CSMD1: variants seen among roughly 807,000 people sequenced by gnomAD.
CSMD1 encodes the protein CUB and sushi domain-containing protein 1.
A neutral mutation model predicts 417.5 loss-of-function variants in CSMD1; 213 were observed. That is an observed-to-expected ratio of 0.51 (90% confidence interval 0.46 to 0.57). CSMD1 has a LOEUF of 0.57. Among genes scored for constraint, CSMD1 ranks in the 20% least tolerant of loss-of-function variants. CSMD1 has a pLI of 0.00. For synonymous variants in CSMD1, 2,862 were observed against 1,736.8 expected, an observed-to-expected ratio of 1.65 and a Z score of -16.11; for missense variants, 6,923 against 4,529.7, an observed-to-expected ratio of 1.53 and a Z score of -15.17.
intron 1 of CSMD1, among the ~76,000 whole-genome samples, chr8:4,919,684 G>A (rs1425060613): frequency 6.6e-6 from 1 of 152,178 alleles, no homozygotes; most frequent in South Asian, 2.1e-4. Flanking sequence ...TAGGAGGTGT[G>A]AATCTGTCCC....
intron 5 of CSMD1, among the ~76,000 whole-genome samples, chr8:3,987,149 G>C (rs1033750553): frequency 5.9e-5 from 9 of 152,110 alleles, no homozygotes; most frequent in African/African-American, 1.9e-4. Flanking sequence ...GTCTATCCGA[G>C]TTCTATGGGA....
chr8:4,750,125 C>T (rs571002510), intron 1 of CSMD1, among the ~76,000 whole-genome samples: 1 of 152,284 alleles, frequency 6.6e-6, no homozygotes, highest in South Asian at 2.1e-4. Flanking sequence ...CCTGCCTCAG[C>T]CTCCCGAGTA....
chr8:3,505,125 T>C (rs1363517692), intron 10 of CSMD1, among the ~76,000 whole-genome samples: 1 of 152,150 alleles, frequency 6.6e-6, no homozygotes, highest in Non-Finnish European at 1.5e-5. Context: ...CAGGCAGATT[T>C]CAGTAAATTA....
chr8:4,629,348 A>G (rs1802365788), intron 2 of CSMD1, among the ~76,000 whole-genome samples: 1 of 152,220 alleles, frequency 6.6e-6, no homozygotes, highest in Admixed American at 6.5e-5. Flanking sequence ...AGGTATGCCC[A>G]TTCAGAATGG....
intron 50 of CSMD1, among the ~76,000 whole-genome samples, chr8:3,037,551 T>C (rs1403941056): frequency 6.6e-6 from 1 of 152,152 alleles, no homozygotes; most frequent in Non-Finnish European, 1.5e-5. Flanking sequence ...TGTGCTGCTA[T>C]AAACATGGGT....
At chr8:4,318,828 C>G (rs1799093796) in intron 3 of CSMD1, among the ~76,000 whole-genome samples, 1 of 152,002 alleles carries the variant, frequency 6.6e-6, no homozygotes, top group Non-Finnish European at 1.5e-5. Context: ...AGCTAACATC[C>G]TCCCATAAAT....
chr8:4,351,848 G>A (rs1428318262), intron 3 of CSMD1, among the ~76,000 whole-genome samples: 1 of 152,030 alleles, frequency 6.6e-6, no homozygotes, highest in African/African-American at 2.4e-5. Context: ...AGATGTCCAG[G>A]ACCCTGGTCA....
rs543519907 is a variant in CSMD1, at chr8:3,823,504, G to C, written c.819-69462C>G. ...TTTTTGAACCATTTAGCTTATGCTT[G>C]AATCAAATAACATTTTGTTATAAAA... On this transcript the variant is annotated intron_variant, in intron 5 of 69. Coordinates refer to ENST00000635120, the MANE Select transcript of CSMD1 (RefSeq NM_033225.6). 7.9e-5 allele frequency among the ~76,000 whole-genome samples: 12 copies of C among 152,142 alleles called. No homozygotes were observed. The South Asian group carries it at 1.9e-3, about 24-fold the overall frequency.
At chr8:4,673,265 T>G (rs1382875477) in intron 1 of CSMD1, among the ~76,000 whole-genome samples, 1 of 152,176 alleles carries the variant, frequency 6.6e-6, no homozygotes, top group East Asian at 1.9e-4. Context: ...CCTTATGAAT[T>G]CTCATGAAAA....
chr8:4,846,154 T>C (rs1801131291), intron 1 of CSMD1, among the ~76,000 whole-genome samples: 2 of 152,200 alleles, frequency 1.3e-5, no homozygotes, highest in Non-Finnish European at 2.9e-5. Context: ...CTGCATACTA[T>C]TGTGTATGAA....
intron 10 of CSMD1, among the ~76,000 whole-genome samples, chr8:3,537,113 C>T (rs925633524): frequency 6.6e-6 from 1 of 152,128 alleles, no homozygotes; most frequent in African/African-American, 2.4e-5. Context: ...CAGCAATTCC[C>T]CTGCCTCAGC....
At chr8:3,186,331 A>T (rs1821757417) in intron 36 of CSMD1, among the ~76,000 whole-genome samples, 1 of 152,174 alleles carries the variant, frequency 6.6e-6, no homozygotes. Context: ...CCTGGTGGAG[A>T]TGGGCCTTGA....
At chr8:3,822,084 T>C (rs983986805) in intron 5 of CSMD1, among the ~76,000 whole-genome samples, 18 of 152,184 alleles carry the variant, frequency 1.2e-4, no homozygotes, top group African/African-American at 3.6e-4. Context: ...CTTCCTGAAA[T>C]GTCCTATGTT....
At chr8:4,697,014 A>C (rs537438208) in intron 1 of CSMD1, among the ~76,000 whole-genome samples, 1 of 152,138 alleles carries the variant, frequency 6.6e-6, no homozygotes, top group East Asian at 1.9e-4. Context: ...TCTACTAAAA[A>C]TACAAAAATT....
At chr8:4,437,921 T>G (rs1241110058) in intron 2 of CSMD1, among the ~76,000 whole-genome samples, 1 of 152,194 alleles carries the variant, frequency 6.6e-6, no homozygotes, top group Admixed American at 6.5e-5. Context: ...GGCTTGGACA[T>G]CAACCTGCTT....
chr8:4,532,102 G>A lies in CSMD1; in HGVS notation c.302+105240C>T, dbSNP rs980369372. 2.1e-5 allele frequency among the ~76,000 whole-genome samples: 3 copies of A among 143,074 alleles called. No individual in the cohort carries two copies. In the South Asian group the frequency reaches 6.7e-4, roughly 32 times the overall value. 93.9% of individuals were successfully genotyped at this position (143,074 alleles called of 152,430 possible). A position where few individuals can be genotyped will look rare whatever the true frequency, so the allele number is the denominator to read the frequency against. ...ACAGTCACTCTGGAAGAGAAATCCT[G>A]CACCGCCATTCACAGTCACTCCGGA... On this transcript the variant is annotated intron_variant, in intron 2 of 69. Transcript: ENST00000635120.
intron 52 of CSMD1, among the ~76,000 whole-genome samples, chr8:3,003,383 C>G (rs1160079028): frequency 6.6e-6 from 1 of 151,988 alleles, no homozygotes; most frequent in Admixed American, 6.6e-5. Context: ...TACACAAAAC[C>G]TAGAAAGCCT....
intron 12 of CSMD1, among the ~76,000 whole-genome samples, chr8:3,418,938 T>G (rs1813321440): frequency 1.3e-5 from 2 of 152,214 alleles, no homozygotes; most frequent in African/African-American, 4.8e-5. Context: ...AAGGTATGCA[T>G]AATGCAATTT....
At chr8:4,233,787 G>C (rs1283416858) in intron 3 of CSMD1, among the ~76,000 whole-genome samples, 2 of 152,122 alleles carry the variant, frequency 1.3e-5, no homozygotes, top group Non-Finnish European at 2.9e-5. Flanking sequence ...AGAAGAAGTA[G>C]AGTATCTTTA....
Sources: allele counts gnomAD v4.1 joint callset (sites outside exome capture counted in the v4.1 genomes callset), GRCh38; gene constraint gnomAD v4.1.1; transcripts MANE v1.5; gene names NCBI Gene and HGNC (gene_info 2026-07-23, HGNC 2026-07-21).